The following TRPM1 variants were observed in gnomAD, a reference collection of about 807,000 sequenced individuals.
TRPM1 encodes TRPM1-203 APA Isoform, Intron 10.
In TRPM1, 113 loss-of-function variants were observed where a neutral mutation model predicts 149.4. The ratio of observed to expected loss-of-function variants is 0.76; its 90% CI spans 0.65 to 0.88. The LOEUF (loss-of-function observed/expected upper bound fraction) is 0.88, where lower values mean the gene tolerates loss of function less well. Among genes scored for constraint, TRPM1 ranks in the 40% least tolerant of loss-of-function variants. The pLI is 0.00. For missense variants in TRPM1, 1,976 were observed against 2,038.7 expected, an observed-to-expected ratio of 0.97 and a Z score of 0.59; for synonymous variants, 741 against 759.5, an observed-to-expected ratio of 0.98 and a Z score of 0.40.
At chr15:31,054,147 G>A (rs1483178828) in intron 11 of TRPM1, among the ~76,000 whole-genome samples, 1 of 152,166 alleles carries the variant, frequency 6.6e-6, no homozygotes, top group Non-Finnish European at 1.5e-5. Flanking sequence ...AAAAGCTCTT[G>A]AGATGAATGT....
rs1369436827 is a variant in TRPM1, at chr15:31,026,155, G to A, written c.3613C>T (p.Arg1205Trp). 2.5e-6 allele frequency: 4 copies of A among 1,611,912 alleles called. No individual in the cohort carries two copies. The highest frequency in any genetic ancestry group is 1.1e-5 in the South Asian group (1 of 91,070). Residue 1205 changes from arginine to tryptophan, a missense_variant, in exon 27 of 28, where the codon CGG (arginine) becomes TGG (tryptophan). Transcript: ENST00000256552. ...TACACGTACCTTTCAGAAGTGACCC[G>A]GATGCGCTCGTCGCTGGACGACTGC... Reference protein sequence around the residue: ...EQQSSSDERIRVTSERVENMS... With the variant: ...EQQSSSDERIWVTSERVENMS...
At chr15:31,062,842 A>G (rs1380220809) in intron 8 of TRPM1, 140 bp from the exon 9 acceptor site, 2 of 1,073,714 alleles carry the variant, frequency 1.9e-6, no homozygotes, top group South Asian at 1.3e-5. Flanking sequence ...AACCATAGTC[A>G]AACATCGTAT....
chr15:31,003,303 G>A lies in TRPM1; in HGVS notation c.3630-233C>T, dbSNP rs543489223. Among the ~76,000 whole-genome samples, 4 of 152,322 alleles carry A rather than the reference G, an allele frequency of 2.6e-5. No homozygotes were observed. The South Asian group carries it at 8.3e-4, about 32-fold the overall frequency. On this transcript the variant is annotated intron_variant, in intron 27 of 27. Coordinates refer to ENST00000256552, the MANE Select transcript of TRPM1 (RefSeq NM_001252024.2). Reference sequence around the variant, plus strand: ...ATATAGTACTTACTGCTCAGTCATTGTTCTAAGAGCATAATGTTCTCACTA... The same window carrying A: ...ATATAGTACTTACTGCTCAGTCATTATTCTAAGAGCATAATGTTCTCACTA...
At chr15:31,053,800 T>C (rs2034011952) in intron 11 of TRPM1, among the ~76,000 whole-genome samples, 1 of 152,240 alleles carries the variant, frequency 6.6e-6, no homozygotes, top group Non-Finnish European at 1.5e-5. Context: ...CCTACATTCA[T>C]AGCAGCATTA....
chr15:31,115,435 C>G (rs776265018), intron 1 of TRPM1, among the ~76,000 whole-genome samples: 4 of 151,896 alleles, frequency 2.6e-5, no homozygotes, highest in Admixed American at 6.6e-5. Context: ...AAACTGACAC[C>G]CTGAAAAATG....
In TRPM1 at chr15:31,144,711, G is replaced by GTTTTTTTTTTTTTTTTTT. The variant is rs1567078292; in HGVS notation, c.54+16194_54+16195insAAAAAAAAAAAAAAAAAA. On this transcript the variant is annotated intron_variant, in intron 1 of 26. Coordinates refer to the TRPM1 transcript ENST00000542188. ...CTGTGGCCCTTTTCATTGTTTTTGAGATTTTTTTTTTTTTTTTTTTTGAGA... is the reference window on the plus strand; with the variant it reads ...CTGTGGCCCTTTTCATTGTTTTTGAGTTTTTTTTTTTTTTTTTTATTTTTTTTTTTTTTTTTTTTGAGA... Among the ~76,000 whole-genome samples the GTTTTTTTTTTTTTTTTTT allele has an allele frequency of 2.1e-5, 3 of 142,932 alleles. 1 individual carries two copies. Among genetic ancestry groups the GTTTTTTTTTTTTTTTTTT allele is most frequent in the African/African-American group, 5.3e-5 (2 of 37,456 alleles). The allele number at this position is 142,932 out of a possible 152,430, so 93.8% of individuals were successfully genotyped here. A position where few individuals can be genotyped will look rare whatever the true frequency, so the allele number is the denominator to read the frequency against.
intron 1 of TRPM1, among the ~76,000 whole-genome samples, chr15:31,125,646 C>T (rs1416238250): frequency 3.9e-5 from 5 of 126,942 alleles, no homozygotes; most frequent in Admixed American, 1.9e-4. Flanking sequence ...AGGAGAATGG[C>T]GTGAACCCGG....
At chr15:31,039,991 T>C (rs1269016511) in intron 18 of TRPM1, 127 bp downstream of exon 18, 2 of 799,234 alleles carry the variant, frequency 2.5e-6, no homozygotes, top group African/African-American at 1.7e-5. Flanking sequence ...ATGATTGTCA[T>C]GGCGTCTCCC....
chr15:31,008,829 AG>A lies in TRPM1; in HGVS notation c.3630-5760del, dbSNP rs545075271. Among the ~76,000 whole-genome samples, 8 of 152,322 alleles carry A rather than the reference AG, an allele frequency of 5.3e-5. No homozygotes were observed. In the East Asian group the frequency reaches 1.5e-3, roughly 29 times the overall value. ...GAATGTAGGAACATTACTACCATAC[AG>A]GTCCCTTTCCCATAGCCCTTTGTGC... On this transcript the variant is annotated intron_variant, in intron 27 of 27. Coordinates refer to ENST00000256552, the MANE Select transcript of TRPM1 (RefSeq NM_001252024.2).
intron 7 of TRPM1, 135 bp downstream of exon 7, chr15:31,065,941 G>A: frequency 2.8e-6 from 3 of 1,057,494 alleles, no homozygotes; most frequent in Non-Finnish European, 4.2e-6. Context: ...ACATCTAGGT[G>A]AGTCATTTTC....
At chr15:31,115,916 T>G (rs892833544) in intron 1 of TRPM1, among the ~76,000 whole-genome samples, 2 of 151,966 alleles carry the variant, frequency 1.3e-5, no homozygotes, top group Non-Finnish European at 2.9e-5. Context: ...TAAGAGCTTG[T>G]GTCTTCATAG....
At chr15:31,017,440 CAG>C (rs1161342885) in intron 27 of TRPM1, among the ~76,000 whole-genome samples, 1 of 152,196 alleles carries the variant, frequency 6.6e-6, no homozygotes, top group African/African-American at 2.4e-5. Flanking sequence ...TGGCCAGTGT[CAG>C]TGTTCCCTTT....
chr15:31,078,954 A>G (rs1203810633), intron 2 of TRPM1, among the ~76,000 whole-genome samples: 1 of 152,238 alleles, frequency 6.6e-6, no homozygotes, highest in Admixed American at 6.5e-5. Flanking sequence ...GTCCTCTAGG[A>G]CTGAACAAAT....
chr15:31,010,687 G>A (rs1292521658), intron 27 of TRPM1, among the ~76,000 whole-genome samples: 5 of 151,978 alleles, frequency 3.3e-5, no homozygotes, highest in African/African-American at 4.8e-5. Context: ...TTGTTTTATG[G>A]CCTAACAGAT....
intron 1 of TRPM1, among the ~76,000 whole-genome samples, chr15:31,131,942 C>G (rs1316024008): frequency 6.6e-6 from 1 of 152,000 alleles, no homozygotes; most frequent in Non-Finnish European, 1.5e-5. Context: ...CAAAATGACT[C>G]GGGCTCCCAG....
chr15:31,088,403 A>G (rs554542279), intron 1 of TRPM1, among the ~76,000 whole-genome samples: 16 of 152,304 alleles, frequency 1.1e-4, no homozygotes, highest in African/African-American at 2.9e-4. Flanking sequence ...CTGCAAGCAG[A>G]AAGTGTCTGG....
intron 1 of TRPM1, among the ~76,000 whole-genome samples, chr15:31,148,122 GATTTCC>G (rs1373794787): frequency 6.6e-6 from 1 of 152,252 alleles, no homozygotes; most frequent in Non-Finnish European, 1.5e-5. Flanking sequence ...CCTTCCCCAA[GATTTCC>G]ATAACAATGT....
intron 22 of TRPM1, 149 bp downstream of exon 22, chr15:31,032,540 T>C: frequency 2.2e-6 from 2 of 897,626 alleles, no homozygotes; most frequent in South Asian, 1.4e-5. Flanking sequence ...AGGAGAACTG[T>C]GTATCTTAAA....
chr15:31,088,645 A>G (rs1298598278), intron 1 of TRPM1, among the ~76,000 whole-genome samples: 1 of 152,210 alleles, frequency 6.6e-6, no homozygotes, highest in African/African-American at 2.4e-5. Flanking sequence ...AACTGCGGAC[A>G]TGCCACACTC....
Sources: gnomAD v4.1 joint callset for allele counts (sites outside exome capture counted in the v4.1 genomes callset) on GRCh38, gnomAD v4.1.1 for gene constraint, MANE v1.5 for transcripts, NCBI Gene and HGNC (gene_info 2026-07-23, HGNC 2026-07-21) for gene names.